Variants in PCDH15 observed in about 807,000 individuals in gnomAD.
PCDH15 encodes protocadherin-15.
PCDH15 carries 129 observed loss-of-function variants against 178.5 expected under a neutral mutation model. The ratio of observed to expected loss-of-function variants is 0.72; its 90% confidence interval spans 0.63 to 0.84. The LOEUF is 0.84. PCDH15 is among the 40% of genes least tolerant of loss of function. PCDH15 has a pLI of 0.00. For missense variants in PCDH15, 2,230 were observed against 2,099.9 expected (o/e 1.06, Z -1.21); for synonymous variants, 800 against 732.0 (o/e 1.09, Z -1.50).
chr10:55,305,380 C>G (rs1843394600), intron 1 of PCDH15, among the ~76,000 whole-genome samples: 1 of 152,182 alleles, frequency 6.6e-6, no homozygotes, highest in South Asian at 2.1e-4. Context: ...TCACAACAAC[C>G]AATATATCCT....
chr10:54,140,404 G>A (rs1298038680), intron 14 of PCDH15, among the ~76,000 whole-genome samples: 5 of 151,654 alleles, frequency 3.3e-5, no homozygotes. Flanking sequence ...TTGGCTCTGG[G>A]TAACACTGTA....
intron 1 of PCDH15, among the ~76,000 whole-genome samples, chr10:54,800,022 T>C (rs1307373129): frequency 1.3e-5 from 2 of 152,118 alleles, no homozygotes; most frequent in African/African-American, 2.4e-5. Context: ...GATTTGACAA[T>C]TGGCTCTTTT....
intron 1 of PCDH15, among the ~76,000 whole-genome samples, chr10:55,244,756 T>C (rs1841642806): frequency 6.6e-6 from 1 of 151,468 alleles, no homozygotes; most frequent in Admixed American, 6.6e-5. Context: ...ATCCATTAAT[T>C]TCTATTAGAA....
intron 10 of PCDH15, among the ~76,000 whole-genome samples, chr10:54,198,204 C>A (rs1290517800): frequency 1.3e-5 from 2 of 152,072 alleles, no homozygotes; most frequent in Non-Finnish European, 2.9e-5. Flanking sequence ...TTAATTTGTG[C>A]CGAGCGATGG....
At chr10:53,871,972 C>T (rs1379003349) in intron 26 of PCDH15, among the ~76,000 whole-genome samples, 1 of 152,034 alleles carries the variant, frequency 6.6e-6, no homozygotes, top group African/African-American at 2.4e-5. Context: ...ATGGAGAAAC[C>T]CCGTCTCTAC....
At chr10:54,496,005 T>A (rs1416118912) in intron 3 of PCDH15, among the ~76,000 whole-genome samples, 1 of 152,118 alleles carries the variant, frequency 6.6e-6, no homozygotes, top group Non-Finnish European at 1.5e-5. Flanking sequence ...AAGTAAAACA[T>A]GAAAACTAGA....
At chr10:55,456,270 G>A (rs1839550449) in intron 2 of PCDH15, among the ~76,000 whole-genome samples, 1 of 151,914 alleles carries the variant, frequency 6.6e-6, no homozygotes, top group African/African-American at 2.4e-5. Context: ...AATATAACAG[G>A]AAAATATTCA....
At chr10:54,875,744 G>T (rs1432289623) in intron 3 of PCDH15, among the ~76,000 whole-genome samples, 1 of 152,138 alleles carries the variant, frequency 6.6e-6, no homozygotes, top group Non-Finnish European at 1.5e-5. Context: ...ACTGAAAGAG[G>T]TAAGGAAGCT....
At chr10:54,560,769 A>G (rs2088031276) in intron 2 of PCDH15, among the ~76,000 whole-genome samples, 1 of 152,088 alleles carries the variant, frequency 6.6e-6, no homozygotes, top group Non-Finnish European at 1.5e-5. Flanking sequence ...AAATTTAATT[A>G]AAAGTTTTAA....
intron 1 of PCDH15, among the ~76,000 whole-genome samples, chr10:55,177,378 A>T (rs1347550068): frequency 6.6e-6 from 1 of 152,154 alleles, no homozygotes; most frequent in Non-Finnish European, 1.5e-5. Flanking sequence ...TAGTCTTCCC[A>T]TTGGGAAGCC....
At chr10:54,116,754 C>T (rs1322103013) in intron 15 of PCDH15, among the ~76,000 whole-genome samples, 1 of 152,162 alleles carries the variant, frequency 6.6e-6, no homozygotes, top group Admixed American at 6.6e-5. Flanking sequence ...CATGATGAGA[C>T]ATTAAATACT....
chr10:54,575,557 A>G (rs1042567063), intron 2 of PCDH15, among the ~76,000 whole-genome samples: 4 of 152,010 alleles, frequency 2.6e-5, no homozygotes, highest in African/African-American at 7.3e-5. Flanking sequence ...ATTTCCATCT[A>G]TATCAGAATG....
intron 21 of PCDH15, among the ~76,000 whole-genome samples, chr10:53,984,148 CTTTTTTT>C (rs66540462): frequency 3.1e-4 from 20 of 63,544 alleles, no homozygotes; most frequent in Admixed American, 1.2e-3. Context: ...TTTTTCTTTT[CTTTTTTT>C]TTTTTTTTTT....
chr10:54,552,996 T>C (rs2086785449), intron 2 of PCDH15, among the ~76,000 whole-genome samples: 2 of 152,212 alleles, frequency 1.3e-5, no homozygotes, highest in African/African-American at 4.8e-5. Flanking sequence ...TCTAAATTAT[T>C]ATGTCATGGA....
chr10:54,896,448 A>G (rs1438707990), intron 3 of PCDH15, among the ~76,000 whole-genome samples: 1 of 152,084 alleles, frequency 6.6e-6, no homozygotes, highest in Non-Finnish European at 1.5e-5. Context: ...TGACTGAAAT[A>G]AGGAACTACA....
At chr10:55,102,929 A>C (rs1189266462) in intron 2 of PCDH15, among the ~76,000 whole-genome samples, 1 of 152,128 alleles carries the variant, frequency 6.6e-6, no homozygotes, top group Non-Finnish European at 1.5e-5. Flanking sequence ...GATCATTATA[A>C]AGGTCTTCAT....
intron 1 of PCDH15, among the ~76,000 whole-genome samples, chr10:55,178,361 A>G (rs1324941867): frequency 2.0e-5 from 3 of 152,180 alleles, no homozygotes; most frequent in Non-Finnish European, 4.4e-5. Flanking sequence ...CTTCTGAGGA[A>G]ATAGAATGGG....
At chr10:55,321,403 A>T (rs942720647), upstream of PCDH15, among the ~76,000 whole-genome samples, 33 of 152,180 alleles carry the variant, frequency 2.2e-4, no homozygotes, top group Admixed American at 2.6e-4. Context: ...GAGAGAAAGC[A>T]AGCAACTTGA....
chr10:53,904,109 T>G (rs2082510464), intron 25 of PCDH15, among the ~76,000 whole-genome samples: 1 of 152,214 alleles, frequency 6.6e-6, no homozygotes, highest in Non-Finnish European at 1.5e-5. Context: ...TACTTGTCAC[T>G]AGTCCAATAA....
Sources: gnomAD v4.1 joint callset for allele counts (sites outside exome capture counted in the v4.1 genomes callset) on GRCh38, gnomAD v4.1.1 for gene constraint, MANE v1.5 for transcripts, NCBI Gene and HGNC (gene_info 2026-07-23, HGNC 2026-07-21) for gene names.